ZNF536: variants seen among roughly 807,000 people sequenced by gnomAD.
ZNF536 encodes the protein zinc finger protein 536.
A neutral mutation model predicts 84.5 loss-of-function variants in ZNF536; 13 were observed. The ratio of observed to expected loss-of-function variants is 0.15; its 90% CI spans 0.10 to 0.24. The LOEUF (loss-of-function observed/expected upper bound fraction) is 0.24. Ranked by LOEUF, ZNF536 falls within the 10% of genes least tolerant of loss-of-function variation. The pLI is 1.00. For missense variants in ZNF536, 1,536 were observed against 1,747.5 expected (o/e 0.88, Z 2.16); for synonymous variants, 811 against 742.5 (o/e 1.09, Z -1.50).
intron 1 of ZNF536, among the ~76,000 whole-genome samples, chr19:30,592,625 G>A (rs1042670621): frequency 6.6e-6 from 1 of 151,796 alleles, no homozygotes; most frequent in Admixed American, 6.6e-5. Flanking sequence ...GGATTTTCAT[G>A]TTTGTGAATC....
chr19:30,659,748 C>T (rs2050050557), intron 1 of ZNF536, among the ~76,000 whole-genome samples: 1 of 152,196 alleles, frequency 6.6e-6, no homozygotes, highest in Non-Finnish European at 1.5e-5. Flanking sequence ...CTCCACCTGG[C>T]TCCACCAGAT....
chr19:30,476,884 CTCTT>C (rs2053870049), intron 2 of ZNF536, among the ~76,000 whole-genome samples: 1 of 152,196 alleles, frequency 6.6e-6, no homozygotes, highest in African/African-American at 2.4e-5. Flanking sequence ...TACTCTCCTG[CTCTT>C]TCTGTCACTC....
chr19:30,412,567 A>C (rs937920979), intron 1 of ZNF536, among the ~76,000 whole-genome samples: 1 of 152,032 alleles, frequency 6.6e-6, no homozygotes, highest in Non-Finnish European at 1.5e-5. Context: ...CTAATATTTT[A>C]TTTGATATTT....
intron 1 of ZNF536, among the ~76,000 whole-genome samples, chr19:30,283,830 T>C (rs1005363689): frequency 1.3e-5 from 2 of 152,206 alleles, no homozygotes; most frequent in Admixed American, 1.3e-4. Flanking sequence ...TTAGAAGTTC[T>C]TTTTGTGCAG....
chr19:30,571,107 T>C (rs960038054), intron 1 of ZNF536, among the ~76,000 whole-genome samples: 4 of 151,240 alleles, frequency 2.6e-5, no homozygotes, highest in African/African-American at 4.8e-5. Flanking sequence ...TTTTATCCCC[T>C]TTTTTTTTGA....
At chr19:30,464,088 C>A (rs757076199) in intron 2 of ZNF536, among the ~76,000 whole-genome samples, 4 of 152,218 alleles carry the variant, frequency 2.6e-5, no homozygotes, top group Non-Finnish European at 5.9e-5. Context: ...GCCAGGGGTA[C>A]AACCTTCAAC....
rs1350706491 is a variant in ZNF536 at position 30,632,614 on chromosome 19, C to CCAAT, written c.170-78139_170-78136dup. The stretch of plus-strand genomic sequence containing the variant: ...GAACGAGAATCCATCTCAAAACCAA[C>CCAAT]CAATCAACCAACCAACCAACCAACC... On this transcript the variant is annotated intron_variant, in intron 1 of 1. Transcript: ENST00000592773. Among the ~76,000 whole-genome samples, 417 of 145,212 alleles carry CCAAT rather than the reference C, an allele frequency of 2.9e-3. 1 individual carries two copies. Among genetic ancestry groups the CCAAT allele is most frequent in the African/African-American group, 0.01 (395 of 38,420 alleles).
At chr19:30,657,616 C>A (rs1016945153) in intron 1 of ZNF536, among the ~76,000 whole-genome samples, 1 of 152,246 alleles carries the variant, frequency 6.6e-6, no homozygotes, top group African/African-American at 2.4e-5. Context: ...AGGACTCATC[C>A]TTCCTTGCAG....
At chr19:30,659,014 T>C (rs1181815057) in intron 1 of ZNF536, among the ~76,000 whole-genome samples, 1 of 152,236 alleles carries the variant, frequency 6.6e-6, no homozygotes, top group Non-Finnish European at 1.5e-5. Flanking sequence ...TTAGGGATGT[T>C]GAAGTTTTGC....
intron 2 of ZNF536, among the ~76,000 whole-genome samples, chr19:30,330,778 A>T (rs1284063770): frequency 6.6e-6 from 1 of 152,112 alleles, no homozygotes; most frequent in Non-Finnish European, 1.5e-5. Flanking sequence ...AGTGGAGTCC[A>T]TTTTTCGGTC....
At chr19:30,476,959 T>A (rs1290735618) in intron 2 of ZNF536, among the ~76,000 whole-genome samples, 2 of 149,348 alleles carry the variant, frequency 1.3e-5, no homozygotes, top group Non-Finnish European at 3.0e-5. Context: ...CTTGCTGGGT[T>A]TTTTTTTTTA....
intron 1 of ZNF536, among the ~76,000 whole-genome samples, chr19:30,599,812 T>C (rs2047618600): frequency 6.6e-6 from 1 of 152,228 alleles, no homozygotes; most frequent in African/African-American, 2.4e-5. Context: ...CCTTGAGGCA[T>C]CTTGCCCTAT....
intron 2 of ZNF536, among the ~76,000 whole-genome samples, chr19:30,468,487 C>T (rs1011099866): frequency 3.3e-5 from 5 of 152,122 alleles, no homozygotes; most frequent in South Asian, 2.1e-4. Context: ...GGATCTCCCC[C>T]GCCACTCTGG....
At chr19:30,537,678 G>C (rs973123885) in intron 3 of ZNF536, among the ~76,000 whole-genome samples, 1 of 152,196 alleles carries the variant, frequency 6.6e-6, no homozygotes, top group African/African-American at 2.4e-5. Flanking sequence ...GAGAGCAAAT[G>C]GTTATTGCTC....
intron 3 of ZNF536, among the ~76,000 whole-genome samples, chr19:30,541,127 C>G (rs1314659170): frequency 1.3e-5 from 2 of 152,178 alleles, no homozygotes; most frequent in Non-Finnish European, 2.9e-5. Context: ...AAAGTGCTTC[C>G]CGAGCAGTGG....
chr19:30,677,846 C>G (rs538016833), intron 1 of ZNF536, among the ~76,000 whole-genome samples: 2 of 152,124 alleles, frequency 1.3e-5, no homozygotes, highest in South Asian at 4.1e-4. Context: ...CTTGGTGATC[C>G]CTGAATGGGA....
chr19:30,587,979 TGCCACTTGTG>T (rs2047153575), intron 1 of ZNF536, among the ~76,000 whole-genome samples: 1 of 152,268 alleles, frequency 6.6e-6, no homozygotes, highest in East Asian at 1.9e-4. Flanking sequence ...TGCATGGCCT[TGCCACTTGTG>T]GCACTCTTCT....
At chr19:30,588,047 T>G (rs1181542902) in intron 1 of ZNF536, among the ~76,000 whole-genome samples, 1 of 152,230 alleles carries the variant, frequency 6.6e-6, no homozygotes, top group Non-Finnish European at 1.5e-5. Context: ...AGCTGCAAAG[T>G]GCACTCAGTC....
At chr19:30,516,774 A>G (rs1261431264) in intron 2 of ZNF536, among the ~76,000 whole-genome samples, 3 of 152,170 alleles carry the variant, frequency 2.0e-5, no homozygotes, top group Non-Finnish European at 4.4e-5. Flanking sequence ...TTAGAGACGG[A>G]GTGTGCCGGG....
Sources: gnomAD v4.1 joint callset for allele counts (sites outside exome capture counted in the v4.1 genomes callset) on GRCh38, gnomAD v4.1.1 for gene constraint, MANE v1.5 for transcripts, NCBI Gene and HGNC (gene_info 2026-07-23, HGNC 2026-07-21) for gene names.